CDC20B: variants seen among roughly 807,000 people sequenced by gnomAD.
The protein encoded by CDC20B is cell division cycle 20B.
In CDC20B, 58 loss-of-function variants were observed where a neutral mutation model predicts 64.1. The observed-to-expected ratio is 0.90, with a 90% CI of 0.73 to 1.13. CDC20B has a LOEUF of 1.13. CDC20B is among the 50% of genes most tolerant of loss of function. The probability of loss-of-function intolerance (pLI) is 0.00; values close to 1 mark genes in which losing one functional copy is unlikely to be tolerated. For missense variants in CDC20B, 597 were observed against 633.0 expected (o/e 0.94, Z 0.61); for synonymous variants, 243 against 230.6 (o/e 1.05, Z -0.49).
chr5:55,173,046 C>G lies in CDC20B; in HGVS notation c.-46G>C. 6.4e-7 allele frequency: 1 copy of G among 1,552,926 alleles called. No individual in the cohort carries two copies. Among genetic ancestry groups the G allele is most frequent in the Non-Finnish European group, 8.8e-7 (1 of 1,136,154 alleles). ...CCTGGCGTTTGGCCTCTCTGCTCGA[C>G]TGCCTCTGGTTTTCTTCCCAGGTCT... On this transcript the variant is annotated 5_prime_UTR_variant, in exon 1 of 12. Coordinates refer to ENST00000381375, the MANE Select transcript of CDC20B (RefSeq NM_001170402.1).
chr5:55,114,182 A>C lies in CDC20B; in HGVS notation c.*36T>G. ...ATAGCCAACATCATCATCTTCACTC[A>C]GAAATAAGGAAACTGAAACCTAGAG... is the stretch of plus-strand genomic sequence containing the variant. On this transcript the variant is annotated 3_prime_UTR_variant, in exon 12 of 12. Transcript: ENST00000381375. The surrounding 1 kb of genome is among the most constrained non-coding windows in gnomAD (Gnocchi z 4.1). The C allele has an allele frequency of 6.3e-7, 1 of 1,598,000 alleles. No homozygotes were observed. The highest frequency in any genetic ancestry group is 8.5e-7 in the Non-Finnish European group (1 of 1,172,510).
At chr5:55,152,742 C>T (rs1160236107) in intron 2 of CDC20B, among the ~76,000 whole-genome samples, 1 of 152,138 alleles carries the variant, frequency 6.6e-6, no homozygotes, top group South Asian at 2.1e-4. Context: ...TACTTTCTCT[C>T]CTGCTATATC....
At position 55,153,505 on chromosome 5, in the gene CDC20B, T is replaced by A. The variant is rs529281758; in HGVS notation, c.127-6649A>T. Reference sequence around the variant, plus strand: ...TGATAGATATATGTATTATTTTTCATGGTTCTCCAATAGGAGAAGCAAGTA... The same window carrying A: ...TGATAGATATATGTATTATTTTTCAAGGTTCTCCAATAGGAGAAGCAAGTA... On this transcript the variant is annotated intron_variant, in intron 2 of 11. Coordinates refer to ENST00000381375, the MANE Select transcript of CDC20B (RefSeq NM_001170402.1). Among the ~76,000 whole-genome samples the A allele has an allele frequency of 1.2e-3, 178 of 152,306 alleles. 1 individual carries two copies. Among genetic ancestry groups the A allele is most frequent in the African/African-American group, 4.2e-3 (175 of 41,584 alleles).
At chr5:55,141,240 A>G (rs1417572362) in intron 4 of CDC20B, among the ~76,000 whole-genome samples, 2 of 152,122 alleles carry the variant, frequency 1.3e-5, no homozygotes, top group Non-Finnish European at 2.9e-5. Context: ...TTGATGACCC[A>G]CACACACAGC....
rs757303168 is a variant in CDC20B at position 55,128,602 on chromosome 5, T to A, written c.713A>T (p.Asp238Val). 1 of 1,562,362 alleles carries A rather than the reference T, an allele frequency of 6.4e-7. No homozygotes were observed. The highest frequency in any genetic ancestry group is 8.6e-7 in the Non-Finnish European group (1 of 1,164,838). ...GGCAACAAGATTCTGAAAACTCCAA[T>A]CTAGGATATTCAGATCTATAAGAAA... ...LRNDYYLNIL[D>V]WSFQNLVAIA... The change falls in exon 7 of 12, where the codon GAT becomes GTT. Residue 238 changes from aspartate (D) to valine (V), a missense_variant. By Grantham distance (152) the Asp-to-Val change is radical (BLOSUM62 -3). Transcript: ENST00000381375.
At chr5:55,156,564 G>A (rs1212302961) in intron 2 of CDC20B, among the ~76,000 whole-genome samples, 1 of 152,122 alleles carries the variant, frequency 6.6e-6, no homozygotes, top group Non-Finnish European at 1.5e-5. Context: ...ATTGTGTGCA[G>A]TATAAAGCTC....
chr5:55,137,755 G>A (rs1743222306), intron 5 of CDC20B: 6 of 441,426 alleles, frequency 1.4e-5, no homozygotes. Flanking sequence ...TTTAAGGGGT[G>A]AAGACACAAG....
intron 3 of CDC20B, among the ~76,000 whole-genome samples, chr5:55,143,854 T>C (rs1743398830): frequency 6.6e-6 from 1 of 152,112 alleles, no homozygotes; most frequent in Non-Finnish European, 1.5e-5. Context: ...TACAGAATCC[T>C]ATCCAGACTG....
rs1742952338 is a variant in CDC20B, at chr5:55,128,552, T to A, written c.763A>T (p.Ile255Phe). Residue 255 changes from isoleucine to phenylalanine, a missense_variant, in exon 7 of 12, where the codon ATC (isoleucine) becomes TTC (phenylalanine). Physicochemically the swap from Ile to Phe is conservative, Grantham distance 21. Around this residue, in one of 3 missense-constraint regions of CDC20B, gnomAD observed 353 missense variants for 397.0 expected, o/e 0.89. Coordinates refer to ENST00000381375, the MANE Select transcript of CDC20B (RefSeq NM_001170402.1). ...VAIALGSAVY[I>F]WNGENHNGIE... The stretch of plus-strand genomic sequence containing the variant: ...CCATTGTGGTTCTCCCCATTCCAGA[T>A]GTATACAGCAGAGCCCAGGGCTATG... The A allele has an allele frequency of 3.7e-6, 6 of 1,609,698 alleles. No homozygotes were observed. The highest frequency in any genetic ancestry group is 4.2e-6 in the Non-Finnish European group (5 of 1,179,134).
chr5:55,114,268 C>G lies in CDC20B; in HGVS notation c.1510G>C (p.Val504Leu), dbSNP rs1205840368. 6.2e-7 allele frequency: 1 copy of G among 1,613,886 alleles called. No homozygotes were observed. The highest frequency in any genetic ancestry group is 1.7e-5 in the Admixed American group (1 of 60,004). The change falls in exon 12 of 12, where the codon GTG becomes CTG. Residue 504 changes from valine (V) to leucine (L), a missense_variant. Around this residue, in one of 3 missense-constraint regions of CDC20B, gnomAD observed 353 missense variants for 397.0 expected, o/e 0.89. Coordinates refer to ENST00000381375, the MANE Select transcript of CDC20B (RefSeq NM_001170402.1). The surrounding 1 kb of genome is among the most constrained non-coding windows in gnomAD (Gnocchi z 4.1). ...GTCCCATCAGCTGCAGCAGAAAACA[C>G]CCGGGTCTGGTCTGGACTCAAAGAC... The part of the protein sequence containing the change: ...HLSLSPDQTR[V>L]FSAAADGTAS...
chr5:55,168,669 CAA>C (rs1744492634), intron 2 of CDC20B, among the ~76,000 whole-genome samples: 1 of 151,886 alleles, frequency 6.6e-6, no homozygotes, highest in Admixed American at 6.6e-5. Context: ...CCTACAGAAT[CAA>C]AAGTTCTAAA....
chr5:55,140,043 T>C (rs1743288573), intron 5 of CDC20B, among the ~76,000 whole-genome samples: 1 of 151,634 alleles, frequency 6.6e-6, no homozygotes, highest in South Asian at 2.1e-4. Flanking sequence ...AAGTCTAAAA[T>C]CACAAGAAAT....
chr5:55,134,350 G>A (rs553908214), intron 5 of CDC20B, among the ~76,000 whole-genome samples: 44 of 152,118 alleles, frequency 2.9e-4, no homozygotes, highest in Non-Finnish European at 6.2e-4. Context: ...TCCTGCTTCC[G>A]TGTTAGCTAT....
intron 11 of CDC20B, among the ~76,000 whole-genome samples, chr5:55,115,257 G>A (rs1742595310): frequency 6.6e-6 from 1 of 152,210 alleles, no homozygotes; most frequent in Non-Finnish European, 1.5e-5. Context: ...AGTCCTATGA[G>A]AGGTTAATAG....
At chr5:55,168,663 C>T (rs1346607191) in intron 2 of CDC20B, among the ~76,000 whole-genome samples, 3 of 151,998 alleles carry the variant, frequency 2.0e-5, no homozygotes, top group Non-Finnish European at 4.4e-5. Flanking sequence ...GGTTTCCCTA[C>T]AGAATCAAAA....
chr5:55,129,522 T>C (rs909457040), intron 6 of CDC20B, among the ~76,000 whole-genome samples: 5 of 152,130 alleles, frequency 3.3e-5, no homozygotes, highest in African/African-American at 9.7e-5. Context: ...GCCTGAGGCA[T>C]AGAACTGATA....
intron 6 of CDC20B, among the ~76,000 whole-genome samples, chr5:55,132,870 C>A (rs1477856553): frequency 1.3e-5 from 2 of 152,204 alleles, no homozygotes; most frequent in Non-Finnish European, 2.9e-5. Flanking sequence ...CTCCTCTATA[C>A]CTTTCCAAGT....
intron 5 of CDC20B, among the ~76,000 whole-genome samples, chr5:55,138,861 A>T (rs983355515): frequency 6.6e-6 from 1 of 152,230 alleles, no homozygotes; most frequent in Middle Eastern, 3.4e-3. Context: ...GTTTAAAAAT[A>T]AAAAAGTGAG....
At chr5:55,133,800 G>C (rs560338918) in intron 5 of CDC20B, among the ~76,000 whole-genome samples, 1 of 152,192 alleles carries the variant, frequency 6.6e-6, no homozygotes, top group South Asian at 2.1e-4. Context: ...GATAGATCTT[G>C]TGAGGAGTAC....
Sources: gnomAD v4.1 joint callset for allele counts (sites outside exome capture counted in the v4.1 genomes callset) on GRCh38, gnomAD v4.1.1 for gene constraint, gnomAD v4.1.1 regional missense constraint, Gnocchi (gnomAD v3.1) non-coding constraint, MANE v1.5 for transcripts, NCBI Gene and HGNC (gene_info 2026-07-23, HGNC 2026-07-21) for gene names.